The following SKAP1 variants were observed in gnomAD, a reference collection of about 807,000 sequenced individuals.
SKAP1 encodes the protein src kinase-associated phosphoprotein 1.
In SKAP1, 44 loss-of-function variants were observed where a neutral mutation model predicts 58.5. That is an observed-to-expected ratio of 0.75 (90% confidence interval 0.59 to 0.97). The LOEUF is 0.97. Ranked by LOEUF, SKAP1 falls within the 50% of genes least tolerant of loss-of-function variation. SKAP1 has a pLI of 0.00. For missense variants in SKAP1, 390 were observed against 435.2 expected, an observed-to-expected ratio of 0.90 and a Z score of 0.92; for synonymous variants, 127 against 149.7, an observed-to-expected ratio of 0.85 and a Z score of 1.11.
In SKAP1 at chr17:48,346,022, G is replaced by T. The variant is rs750327105; in HGVS notation, c.179-16C>A. 93 of 1,514,046 alleles carry T rather than the reference G, an allele frequency of 6.1e-5. 1 individual carries two copies. In the South Asian group the frequency reaches 1.1e-3, roughly 17 times the overall value. 93.8% of individuals were successfully genotyped at this position (1,514,046 alleles called of 1,614,324 possible). A position where few individuals can be genotyped will look rare whatever the true frequency, so the allele number is the denominator to read the frequency against. On this transcript the variant is annotated splice_polypyrimidine_tract_variant and intron_variant, in intron 3 of 12. Transcript: ENST00000336915. ...ATGTCTCCCCCTGAGGGACAAAAAA[G>T]ACAGAAAATAAGGTTAATCTTTGGG...
chr17:48,306,956 C>T lies in SKAP1; in HGVS notation c.280+38949G>A, dbSNP rs149103017. On this transcript the variant is annotated intron_variant, in intron 4 of 12. Transcript: ENST00000336915. The stretch of plus-strand genomic sequence containing the variant: ...GATCTGATAGGGATTTTGCAGGTAG[C>T]GGTAAAACCTTATGTAAGTATTTTT... 1.1e-3 allele frequency among the ~76,000 whole-genome samples: 166 copies of T among 152,252 alleles called. 3 individuals are homozygous for T. In the Middle Eastern group the frequency reaches 0.041, roughly 38 times the overall value.
intron 4 of SKAP1, among the ~76,000 whole-genome samples, chr17:48,237,882 G>A (rs2065198629): frequency 6.6e-6 from 1 of 151,386 alleles, no homozygotes; most frequent in South Asian, 2.1e-4. Context: ...GAAGAAGACT[G>A]GGCTGGTGAA....
chr17:48,379,246 A>G (rs1480387867), intron 2 of SKAP1, among the ~76,000 whole-genome samples: 5 of 152,248 alleles, frequency 3.3e-5, no homozygotes, highest in African/African-American at 1.2e-4. Flanking sequence ...AGAATCCAAT[A>G]TATAAATACA....
chr17:48,298,101 C>T (rs1343062348), intron 4 of SKAP1, among the ~76,000 whole-genome samples: 2 of 152,146 alleles, frequency 1.3e-5, no homozygotes, highest in African/African-American at 4.8e-5. Flanking sequence ...CCAGATGTTC[C>T]AGCGTTTATC....
At chr17:48,302,867 T>C (rs899724337) in intron 4 of SKAP1, among the ~76,000 whole-genome samples, 1 of 152,308 alleles carries the variant, frequency 6.6e-6, no homozygotes, top group African/African-American at 2.4e-5. Context: ...GGATAGAGAT[T>C]TGTAAGCACA....
intron 9 of SKAP1, among the ~76,000 whole-genome samples, chr17:48,177,586 A>G (rs1482945514): frequency 6.6e-6 from 1 of 152,038 alleles, no homozygotes; most frequent in Admixed American, 6.6e-5. Flanking sequence ...GCTGCTTGGT[A>G]GATGGTCTTA....
upstream of SKAP1, among the ~76,000 whole-genome samples, chr17:48,430,469 G>A (rs1051815336): frequency 6.6e-6 from 1 of 152,134 alleles, no homozygotes; most frequent in Non-Finnish European, 1.5e-5. Flanking sequence ...AAGGACCCAC[G>A]GCTTTGGACA....
At chr17:48,152,983 C>A (rs1326356648) in intron 11 of SKAP1, among the ~76,000 whole-genome samples, 1 of 151,790 alleles carries the variant, frequency 6.6e-6, no homozygotes, top group East Asian at 1.9e-4. Context: ...AGTTAATTAT[C>A]TGGTCTGGAA....
chr17:48,411,611 C>G (rs1019428698), intron 1 of SKAP1, among the ~76,000 whole-genome samples: 3 of 152,030 alleles, frequency 2.0e-5, no homozygotes, highest in African/African-American at 7.3e-5. Context: ...ATAGAGAAAC[C>G]TGACAAACAT....
chr17:48,443,769 C>G, the SKAP1 span, among the ~76,000 whole-genome samples: 1 of 152,212 alleles, frequency 6.6e-6, no homozygotes, highest in Middle Eastern at 3.4e-3. Context: ...AGCCACCATG[C>G]CTGGCCTGTT....
chr17:48,345,276 T>C (rs1245856935), intron 4 of SKAP1, among the ~76,000 whole-genome samples: 1 of 152,250 alleles, frequency 6.6e-6, no homozygotes, highest in Non-Finnish European at 1.5e-5. Context: ...TGTTATATAC[T>C]GTGGAATTTT....
chr17:48,367,513 T>C (rs913427339), intron 2 of SKAP1, among the ~76,000 whole-genome samples: 14 of 144,110 alleles, frequency 9.7e-5, no homozygotes, highest in African/African-American at 2.8e-4. Flanking sequence ...ACCATGTATA[T>C]GTGTGTGTAT....
In SKAP1 at chr17:48,170,673, T is replaced by C; in HGVS notation, c.827-14A>G. 6.2e-7 allele frequency: 1 copy of C among 1,610,690 alleles called. No individual in the cohort carries two copies. The highest frequency in any genetic ancestry group is 2.2e-5 in the East Asian group (1 of 44,870). ...CATGCTCTTCATCTGGGGGGATAAA[T>C]GATCAGTATTAGCAATTAGTGGTTC... is the stretch of plus-strand genomic sequence containing the variant. On this transcript the variant is annotated splice_polypyrimidine_tract_variant and intron_variant, in intron 9 of 12. Coordinates refer to ENST00000336915, the MANE Select transcript of SKAP1 (RefSeq NM_003726.4).
intron 4 of SKAP1, among the ~76,000 whole-genome samples, chr17:48,338,297 C>A (rs565320735): frequency 6.6e-6 from 1 of 151,782 alleles, no homozygotes; most frequent in East Asian, 1.9e-4. Context: ...TTACAGGCAC[C>A]CGCCACCACG....
At chr17:48,257,271 G>C (rs943734529) in intron 4 of SKAP1, among the ~76,000 whole-genome samples, 4 of 152,026 alleles carry the variant, frequency 2.6e-5, no homozygotes, top group African/African-American at 9.7e-5. Context: ...TTAACCGCTA[G>C]ATGTATTTTC....
chr17:48,434,227 A>G (rs1465623056), upstream of SKAP1, among the ~76,000 whole-genome samples: 1 of 152,188 alleles, frequency 6.6e-6, no homozygotes, highest in African/African-American at 2.4e-5. Flanking sequence ...AGAGCTGCAC[A>G]CTTCATTAAG....
At chr17:48,366,955 C>G (rs1308308132) in intron 2 of SKAP1, among the ~76,000 whole-genome samples, 1 of 152,130 alleles carries the variant, frequency 6.6e-6, no homozygotes, top group Non-Finnish European at 1.5e-5. Flanking sequence ...AAATCCTAGT[C>G]ATGCAGTGGC....
Position 48,296,388 on chromosome 17 carries a change from T to C in SKAP1, c.280+49517A>G, listed in dbSNP as rs559575446. ...AACAGCTCAAAAATAAAAAGGAAAATGAAGCAAGGTGGTTGTTGTTGTTTA... is the reference window on the plus strand; with the variant it reads ...AACAGCTCAAAAATAAAAAGGAAAACGAAGCAAGGTGGTTGTTGTTGTTTA... On this transcript the variant is annotated intron_variant, in intron 4 of 12. Coordinates refer to ENST00000336915, the MANE Select transcript of SKAP1 (RefSeq NM_003726.4). Among the ~76,000 whole-genome samples, 7 of 152,158 alleles carry C rather than the reference T, an allele frequency of 4.6e-5. No homozygotes were observed. The East Asian group carries it at 1.4e-3, about 29-fold the overall frequency.
At chr17:48,218,464 T>A (rs1461866476) in intron 4 of SKAP1, among the ~76,000 whole-genome samples, 1 of 152,242 alleles carries the variant, frequency 6.6e-6, no homozygotes, top group Non-Finnish European at 1.5e-5. Context: ...CTAAGAATAA[T>A]AATTTCATAA....
Sources: allele counts gnomAD v4.1 joint callset (sites outside exome capture counted in the v4.1 genomes callset), GRCh38; gene constraint gnomAD v4.1.1; transcripts MANE v1.5; gene names NCBI Gene and HGNC (gene_info 2026-07-23, HGNC 2026-07-21).